The following INSR variants were observed in gnomAD, a reference collection of about 807,000 sequenced individuals.
INSR encodes IR.
In INSR, 67 loss-of-function variants were observed where a neutral mutation model predicts 142.6. The ratio of observed to expected loss-of-function variants is 0.47; its 90% confidence interval spans 0.39 to 0.58. INSR has a LOEUF of 0.58. Ranked by LOEUF, INSR falls within the 20% of genes least tolerant of loss-of-function variation. The pLI is 0.00. For synonymous variants in INSR, 756 were observed against 743.1 expected, an observed-to-expected ratio of 1.02 and a Z score of -0.28; for missense variants, 1,248 against 1,833.2, an observed-to-expected ratio of 0.68 and a Z score of 5.83.
At chr19:7,256,934 T>G (rs141720186) in intron 2 of INSR, among the ~76,000 whole-genome samples, 9,410 of 100,938 alleles carry the variant, frequency 0.093, 370 homozygotes, top group African/African-American at 0.19. Flanking sequence ...ACCCTACCTT[T>G]TTTTTTTTTT....
Position 7,166,028 on chromosome 19 carries a change from T to C in INSR, c.1861+126A>G. On this transcript the variant is annotated intron_variant, in intron 8 of 21. Coordinates refer to ENST00000302850, the MANE Select transcript of INSR (RefSeq NM_000208.4). This position sits in a 1 kb window ranked among gnomAD's most constrained non-coding sequence, Gnocchi z 4.1. ...TAGCCTGGGTGACAAAGTAAGACCCTGTCTAAAAAAAAAAAAAAAGCCAAT... is the reference window on the plus strand; with the variant it reads ...TAGCCTGGGTGACAAAGTAAGACCCCGTCTAAAAAAAAAAAAAAAGCCAAT... The C allele has an allele frequency of 1.9e-6, 2 of 1,066,982 alleles. No homozygotes were observed. The highest frequency in any genetic ancestry group is 2.2e-4 in the Middle Eastern group (1 of 4,584). The allele number at this position is 1,066,982 out of a possible 1,614,324, so 66.1% of individuals were successfully genotyped here. A position where few individuals can be genotyped will look rare whatever the true frequency, so the allele number is the denominator to read the frequency against.
In INSR at chr19:7,159,938, C is replaced by T. The variant is rs374860911; in HGVS notation, c.2029+3094G>A. Among the ~76,000 whole-genome samples the T allele has an allele frequency of 2.0e-5, 3 of 152,040 alleles. No individual in the cohort carries two copies. The highest frequency in any genetic ancestry group is 4.4e-5 in the Non-Finnish European group (3 of 67,996). ...GGCCTTCTCCTCCAGGGTCATGGACCGAGGATATCACTAACAGAAAATATC... is the reference window on the plus strand; with the variant it reads ...GGCCTTCTCCTCCAGGGTCATGGACTGAGGATATCACTAACAGAAAATATC... On this transcript the variant is annotated intron_variant, in intron 9 of 21. Coordinates refer to ENST00000302850, the MANE Select transcript of INSR (RefSeq NM_000208.4). This position sits in a 1 kb window ranked among gnomAD's most constrained non-coding sequence, Gnocchi z 4.3.
intron 3 of INSR, among the ~76,000 whole-genome samples, chr19:7,178,114 A>C (rs1261919765): frequency 6.6e-6 from 1 of 151,600 alleles, no homozygotes; most frequent in East Asian, 1.9e-4. Context: ...GATTTTTGTG[A>C]CTGTAGGATC....
chr19:7,253,772 T>C (rs1430958676), intron 2 of INSR, among the ~76,000 whole-genome samples: 1 of 152,066 alleles, frequency 6.6e-6, no homozygotes, highest in Non-Finnish European at 1.5e-5. Context: ...CTCACGCCTG[T>C]CATCCCAACA....
At chr19:7,290,944 C>G (rs1032789313) in intron 1 of INSR, among the ~76,000 whole-genome samples, 2 of 148,932 alleles carry the variant, frequency 1.3e-5, no homozygotes, top group Non-Finnish European at 3.0e-5. Context: ...GTGGAACACG[C>G]CTGTAATCCC....
Position 7,166,466 on chromosome 19 carries a change from C to T in INSR, c.1611-62G>A, listed in dbSNP as rs1973892842. 104 of 1,581,066 alleles carry T rather than the reference C, an allele frequency of 6.6e-5. 2 individuals are homozygous for T. In the South Asian group the frequency reaches 1.1e-3, roughly 17 times the overall value. Reference sequence around the variant, plus strand: ...CAAGACCGTCACACTGAGTGCCGTGCAGATGAGGCCTGGGAAGTTACATCC... The same window carrying T: ...CAAGACCGTCACACTGAGTGCCGTGTAGATGAGGCCTGGGAAGTTACATCC... On this transcript the variant is annotated intron_variant, in intron 7 of 21. Transcript: ENST00000302850. This position sits in a 1 kb window ranked among gnomAD's most constrained non-coding sequence, Gnocchi z 4.1.
chr19:7,218,088 C>CA (rs143336311), intron 2 of INSR, among the ~76,000 whole-genome samples: 2,814 of 152,068 alleles, frequency 0.019, 82 homozygotes, highest in African/African-American at 0.064. Flanking sequence ...AGAGAGATTG[C>CA]AAAACGGTGA....
chr19:7,162,838 A>C (rs1973789944), intron 9 of INSR, among the ~76,000 whole-genome samples, 194 bp downstream of exon 9: 1 of 152,102 alleles, frequency 6.6e-6, no homozygotes, highest in African/African-American at 2.4e-5. Flanking sequence ...TAAATAAATA[A>C]AAAATAAAAT....
chr19:7,180,333 G>A (rs1318187165), intron 3 of INSR, among the ~76,000 whole-genome samples: 2 of 151,852 alleles, frequency 1.3e-5, no homozygotes, highest in Admixed American at 1.3e-4. Flanking sequence ...AGTTCAAGAC[G>A]AGCCTGGGGA....
chr19:7,151,162 CTCTTTCTTTCTTTCTTTCTT>C (rs1218566297), intron 10 of INSR, among the ~76,000 whole-genome samples: 2,558 of 45,864 alleles, frequency 0.056, 104 homozygotes, highest in African/African-American at 0.11. Flanking sequence ...TTCTTTCTTT[CTCTTTCTTTCTTTCTTTCTT>C]TCTTTCTTTC....
At chr19:7,290,088 C>T (rs1333883062) in intron 1 of INSR, among the ~76,000 whole-genome samples, 1 of 152,126 alleles carries the variant, frequency 6.6e-6, no homozygotes, top group East Asian at 1.9e-4. Context: ...AAGCAGGTCT[C>T]CAGGAGAGAA....
chr19:7,278,687 C>A (rs996767740), intron 1 of INSR, among the ~76,000 whole-genome samples: 1 of 151,764 alleles, frequency 6.6e-6, no homozygotes, highest in African/African-American at 2.4e-5. Context: ...GGTGAAACCC[C>A]ATGTCTACTA....
At chr19:7,248,655 A>T (rs75847801) in intron 2 of INSR, among the ~76,000 whole-genome samples, 23,255 of 151,684 alleles carry the variant, frequency 0.15, 1,990 homozygotes, top group Non-Finnish European at 0.19. Flanking sequence ...AATGTCCTCT[A>T]AAATACAGTA....
intron 1 of INSR, among the ~76,000 whole-genome samples, chr19:7,278,597 GC>G (rs1283515354): frequency 2.6e-5 from 4 of 152,142 alleles, no homozygotes; most frequent in African/African-American, 9.7e-5. Context: ...AGTGGCTCAC[GC>G]CTGTAATCCC....
At chr19:7,244,931 C>CTTTT (rs370936908) in intron 2 of INSR, among the ~76,000 whole-genome samples, 12 of 88,052 alleles carry the variant, frequency 1.4e-4, no homozygotes, top group Admixed American at 2.8e-4. Flanking sequence ...TTTGTTTTTG[C>CTTTT]TTTTTTTTTT....
intron 2 of INSR, among the ~76,000 whole-genome samples, chr19:7,209,312 G>A (rs1975207292): frequency 6.6e-6 from 1 of 152,184 alleles, no homozygotes; most frequent in East Asian, 1.9e-4. Context: ...GGTGACCAAT[G>A]CATCGCTCTC....
chr19:7,137,317 T>C (rs962030885), intron 13 of INSR, among the ~76,000 whole-genome samples: 20 of 151,650 alleles, frequency 1.3e-4, no homozygotes, highest in Admixed American at 6.6e-5. Flanking sequence ...CATACAGCAT[T>C]CCTCTGGTCA....
intron 2 of INSR, among the ~76,000 whole-genome samples, chr19:7,232,545 G>A (rs541073058): frequency 6.6e-6 from 1 of 152,300 alleles, no homozygotes; most frequent in African/African-American, 2.4e-5. Context: ...CGGGCCCAGT[G>A]GCTCGCACCT....
chr19:7,123,901 C>T (rs1042978395), intron 17 of INSR, among the ~76,000 whole-genome samples: 1 of 151,400 alleles, frequency 6.6e-6, no homozygotes, highest in Non-Finnish European at 1.5e-5. Context: ...CCACTCTGGG[C>T]GACAGAGAGA....
Sources: gnomAD v4.1 joint callset for allele counts (sites outside exome capture counted in the v4.1 genomes callset) on GRCh38, gnomAD v4.1.1 for gene constraint, Gnocchi (gnomAD v3.1) non-coding constraint, MANE v1.5 for transcripts, NCBI Gene and HGNC (gene_info 2026-07-23, HGNC 2026-07-21) for gene names.